BANP: variants seen among roughly 807,000 people sequenced by gnomAD.
BANP encodes the protein protein BANP.
A neutral mutation model predicts 68.1 loss-of-function variants in BANP; 11 were observed. That is an observed-to-expected ratio of 0.16 (90% CI 0.10 to 0.27). The LOEUF (loss-of-function observed/expected upper bound fraction) is 0.27, where lower values mean the gene tolerates loss of function less well. BANP is among the 10% of genes least tolerant of loss of function. The probability of loss-of-function intolerance (pLI) is 1.00; values close to 1 mark genes in which losing one functional copy is unlikely to be tolerated. For synonymous variants in BANP, 329 were observed against 303.2 expected (o/e 1.09, Z -0.88); for missense variants, 504 against 722.7 (o/e 0.70, Z 3.47).
rs2152666630 is a variant in BANP, at chr16:88,018,796, C to G, written c.895+129C>G. The G allele has an allele frequency of 3.2e-6, 4 of 1,255,346 alleles. 1 individual carries two copies. The highest frequency in any genetic ancestry group is 5.6e-4 in the Middle Eastern group (2 of 3,574). 77.8% of individuals were successfully genotyped at this position (1,255,346 alleles called of 1,614,324 possible). ...TGCGTTTCTCCAGGCGGTTTGAAATCTCAGCCCGAGGATCAGTGCTCGAGG... is the reference window on the plus strand; with the variant it reads ...TGCGTTTCTCCAGGCGGTTTGAAATGTCAGCCCGAGGATCAGTGCTCGAGG... On this transcript the variant is annotated intron_variant, in intron 7 of 13. Coordinates refer to ENST00000682872, the MANE Select transcript of BANP (RefSeq NM_001386991.1). The surrounding 1 kb of genome is among the most constrained non-coding windows in gnomAD (Gnocchi z 7.7).
intron 1 of BANP, among the ~76,000 whole-genome samples, chr16:87,962,255 AAG>A (rs1182024571): frequency 2.7e-5 from 4 of 147,678 alleles, no homozygotes; most frequent in African/African-American, 7.9e-5. Flanking sequence ...AAAAAAAAAA[AAG>A]AAAGCACATT....
intron 11 of BANP, among the ~76,000 whole-genome samples, chr16:88,044,262 C>T (rs1012265745): frequency 5.9e-5 from 9 of 152,244 alleles, no homozygotes; most frequent in African/African-American, 1.9e-4. Context: ...AGCTTTCCAT[C>T]GTGGTTCTAG....
chr16:88,035,586 C>T (rs919457478), intron 10 of BANP, among the ~76,000 whole-genome samples, 192 bp downstream of exon 10: 1 of 152,216 alleles, frequency 6.6e-6, no homozygotes, highest in Admixed American at 6.5e-5. Flanking sequence ...CCTCCCCCTC[C>T]TGTCCGTTGG....
At chr16:88,029,495 C>T (rs1239366902) in intron 8 of BANP, among the ~76,000 whole-genome samples, 1 of 151,534 alleles carries the variant, frequency 6.6e-6, no homozygotes, top group African/African-American at 2.4e-5. Flanking sequence ...CCTGTAGTCC[C>T]AGCTACTCGG....
chr16:88,049,565 G>T (rs898667923), intron 11 of BANP, among the ~76,000 whole-genome samples: 1 of 152,208 alleles, frequency 6.6e-6, no homozygotes, highest in Non-Finnish European at 1.5e-5. Flanking sequence ...CAAGCAGGGG[G>T]ATCATTAGAG....
intron 11 of BANP, among the ~76,000 whole-genome samples, chr16:88,038,235 A>C (rs532457837): frequency 3.1e-4 from 47 of 152,162 alleles, no homozygotes; most frequent in African/African-American, 1.1e-3. Context: ...TGGTCAGGTG[A>C]GTGCCACAGT....
At position 87,978,984 on chromosome 16, in the gene BANP, A is replaced by G. The variant is rs528287205; in HGVS notation, c.71-2052A>G. On this transcript the variant is annotated intron_variant, in intron 2 of 13. Transcript: ENST00000682872. Reference sequence around the variant, plus strand: ...AATGTCAAAGATAACCTCAAAATCAAAGACCAAAATCGGTCGACAGTGGTC... The same window carrying G: ...AATGTCAAAGATAACCTCAAAATCAGAGACCAAAATCGGTCGACAGTGGTC... Among the ~76,000 whole-genome samples, 3 of 152,330 alleles carry G rather than the reference A, an allele frequency of 2.0e-5. No homozygotes were observed. In the South Asian group the frequency reaches 6.2e-4, roughly 32 times the overall value.
Position 88,071,505 on chromosome 16 carries a change from C to T in BANP, c.1378-564C>T, listed in dbSNP as rs1250461896. 1 of 456,304 alleles carries T rather than the reference C, an allele frequency of 2.2e-6. No homozygotes were observed. Among genetic ancestry groups the T allele is most frequent in the Non-Finnish European group, 4.4e-6 (1 of 226,866 alleles). The allele number at this position is 456,304 out of a possible 1,614,324, so 28.3% of individuals were successfully genotyped here. On this transcript the variant is annotated intron_variant, in intron 12 of 13. Transcript: ENST00000682872. This position sits in a 1 kb window ranked among gnomAD's most constrained non-coding sequence, Gnocchi z 6.5. Reference sequence around the variant, plus strand: ...AGCGGGGCTCTCTGCCACCAGGACTCACTTCCGCCCATCTTGGAACTGGGC... The same window carrying T: ...AGCGGGGCTCTCTGCCACCAGGACTTACTTCCGCCCATCTTGGAACTGGGC...
intron 1 of BANP, among the ~76,000 whole-genome samples, chr16:87,961,296 C>G (rs528191974): frequency 6.6e-6 from 1 of 152,272 alleles, no homozygotes; most frequent in East Asian, 1.9e-4. Context: ...CCTTGTCTAA[C>G]TGCATCTCCT....
In BANP at chr16:88,027,642, G is replaced by T. The variant is rs1232117178; in HGVS notation, c.1055G>T (p.Cys352Phe). ...SRRTPNSSSY[C>F]PSEPMMSTPP... ...AGAACGCCCAACTCGTCCTCCTACT[G>T]CCCTTCAGGTAGGCCTCGTGCTGCA... is the stretch of plus-strand genomic sequence containing the variant. Residue 352 changes from cysteine (C) to phenylalanine (F), a missense_variant, in exon 8 of 14, where the codon TGC (cysteine) becomes TTC (phenylalanine). Transcript: ENST00000682872. The T allele has an allele frequency of 6.2e-7, 1 of 1,613,136 alleles. No individual in the cohort carries two copies. The highest frequency in any genetic ancestry group is 1.7e-5 in the Admixed American group (1 of 60,002).
intron 12 of BANP, among the ~76,000 whole-genome samples, chr16:88,066,447 C>T (rs1435507034): frequency 3.3e-5 from 5 of 152,118 alleles, no homozygotes; most frequent in Admixed American, 6.5e-5. Flanking sequence ...TGAAGGGCCT[C>T]GGCCACACCC....
At chr16:87,994,986 C>G (rs1030946798) in intron 4 of BANP, among the ~76,000 whole-genome samples, 1 of 152,108 alleles carries the variant, frequency 6.6e-6, no homozygotes, top group Non-Finnish European at 1.5e-5. Flanking sequence ...CACAACTGCC[C>G]TGGGTGCCTC....
chr16:88,034,881 T>C lies in BANP; in HGVS notation c.1201-442T>C, dbSNP rs140893377. 8.1e-3 allele frequency among the ~76,000 whole-genome samples: 1,230 copies of C among 152,280 alleles called. 14 individuals are homozygous for C. Among genetic ancestry groups the C allele is most frequent in the African/African-American group, 0.028 (1,163 of 41,544 alleles). On this transcript the variant is annotated intron_variant, in intron 9 of 13. Transcript: ENST00000682872. The stretch of plus-strand genomic sequence containing the variant: ...CATAGTCAACTGTGATCTGAAAATA[T>C]TAGATGAGAAACTCCAGAAATAAAC...
intron 2 of BANP, among the ~76,000 whole-genome samples, chr16:87,979,668 G>C (rs2062881330): frequency 6.6e-6 from 1 of 152,200 alleles, no homozygotes; most frequent in South Asian, 2.1e-4. Context: ...ATGTGCTGAA[G>C]GGCATTCCCA....
At chr16:88,028,051 G>T (rs1024660877) in intron 8 of BANP, among the ~76,000 whole-genome samples, 5 of 152,232 alleles carry the variant, frequency 3.3e-5, no homozygotes, top group Non-Finnish European at 5.9e-5. Flanking sequence ...CATGGCCTTA[G>T]TTGGATTTAT....
intron 11 of BANP, among the ~76,000 whole-genome samples, chr16:88,053,610 G>A (rs1326220233): frequency 1.2e-5 from 1 of 80,656 alleles, no homozygotes; most frequent in African/African-American, 5.5e-5. Context: ...CCACCCTAAC[G>A]ACTACCACCC....
chr16:87,978,905 G>A (rs367700314), intron 2 of BANP, among the ~76,000 whole-genome samples: 14 of 152,162 alleles, frequency 9.2e-5, no homozygotes, highest in Non-Finnish European at 1.3e-4. Context: ...AGCTCAGGGC[G>A]GCCACAGTGT....
At chr16:87,990,001 CAG>C (rs1356991096) in intron 4 of BANP, among the ~76,000 whole-genome samples, 3 of 152,338 alleles carry the variant, frequency 2.0e-5, no homozygotes, top group African/African-American at 7.2e-5. Flanking sequence ...GGGCAGGTGA[CAG>C]GGCTCTGTGT....
intron 4 of BANP, among the ~76,000 whole-genome samples, chr16:87,987,153 A>C (rs2064643246): frequency 6.6e-6 from 1 of 152,118 alleles, no homozygotes. Context: ...ATCTTGGCTC[A>C]CTGCAACCTC....
Sources: allele counts gnomAD v4.1 joint callset (sites outside exome capture counted in the v4.1 genomes callset), GRCh38; gene constraint gnomAD v4.1.1; non-coding constraint Gnocchi (gnomAD v3.1); transcripts MANE v1.5; gene names NCBI Gene and HGNC (gene_info 2026-07-23, HGNC 2026-07-21).